Variants in LZTS3 observed in about 807,000 individuals in gnomAD.
LZTS3 encodes leucine zipper tumor suppressor family member 3, also known as leucine zipper putative tumor suppressor 3.
Under a neutral mutation model 50.9 loss-of-function variants are expected in LZTS3, and 16 were observed. The ratio of observed to expected loss-of-function variants is 0.31; its 90% CI spans 0.21 to 0.48. The LOEUF is 0.48. Ranked by LOEUF, LZTS3 falls within the 20% of genes least tolerant of loss-of-function variation. The pLI is 0.99. For synonymous variants in LZTS3, 408 were observed against 410.6 expected, an observed-to-expected ratio of 0.99 and a Z score of 0.08; for missense variants, 816 against 931.0, an observed-to-expected ratio of 0.88 and a Z score of 1.61.
In LZTS3 at chr20:3,164,909, G is replaced by A. The variant is rs1316625120; in HGVS notation, c.1567C>T (p.Pro523Ser). 2.6e-6 allele frequency: 4 copies of A among 1,549,888 alleles called. No homozygotes were observed. Among genetic ancestry groups the A allele is most frequent in the Non-Finnish European group, 3.5e-6 (4 of 1,154,076 alleles). Residue 523 changes from proline (P) to serine (S), a missense_variant, in exon 5 of 5, where the codon CCC becomes TCC. Around this residue, in one of 3 missense-constraint regions of LZTS3, gnomAD observed 700 missense variants for 769.4 expected, o/e 0.91. Transcript: ENST00000337576. ...PAACLKPALT[P>S]VDPAEPQDAL... Reference sequence around the variant, plus strand: ...TCCTGTGGCTCGGCCGGGTCCACGGGGGTCAGCGCCGGCTTGAGGCAGGCG... The same window carrying A: ...TCCTGTGGCTCGGCCGGGTCCACGGAGGTCAGCGCCGGCTTGAGGCAGGCG...
intron 1 of LZTS3, among the ~76,000 whole-genome samples, chr20:3,172,566 C>T (rs2066912919): frequency 6.6e-6 from 1 of 152,118 alleles, no homozygotes; most frequent in Admixed American, 6.5e-5. Context: ...CTGATCTCCA[C>T]CCCCCAGAGG....
In LZTS3 at chr20:3,167,907, A is replaced by G. The variant is rs1328155308; in HGVS notation, c.-188T>C. On this transcript the variant is annotated 5_prime_UTR_variant, in exon 2 of 5. Transcript: ENST00000337576. ...TCGCAGTCGGGGCTCGGCCCGAACCAGCTGCGCGACTTTGGAGGGGCCGAC... is the reference window on the plus strand; with the variant it reads ...TCGCAGTCGGGGCTCGGCCCGAACCGGCTGCGCGACTTTGGAGGGGCCGAC... 1.1e-5 allele frequency: 11 copies of G among 973,694 alleles called. No homozygotes were observed. Among genetic ancestry groups the G allele is most frequent in the Middle Eastern group, 5.2e-4 (1 of 1,916 alleles). The allele number at this position is 973,694 out of a possible 1,614,324, so 60.3% of individuals were successfully genotyped here.
At chr20:3,168,788 A>C (rs1226903815) in intron 1 of LZTS3, among the ~76,000 whole-genome samples, 1 of 152,212 alleles carries the variant, frequency 6.6e-6, no homozygotes, top group African/African-American at 2.4e-5. Context: ...TAAACCAGGC[A>C]GGGAGCCCTC....
At chr20:3,167,463 G>GCTCAGCA (rs879512332) in intron 2 of LZTS3, 84 of 758,264 alleles carry the variant, frequency 1.1e-4, no homozygotes, top group Non-Finnish European at 1.3e-4. Flanking sequence ...TCAGCTCAGC[G>GCTCAGCA]TTCCATTCCT....
At position 3,165,534 on chromosome 20, in the gene LZTS3, G is replaced by A; in HGVS notation, c.1286C>T (p.Ala429Val). Reference protein sequence around the residue: ...DKVAACQKEQADFLPRIEETK... With the variant: ...DKVAACQKEQVDFLPRIEETK... Reference sequence around the variant, plus strand: ...TTCCTCTATCCGGGGCAGGAAGTCGGCCTGCTCCTTCTGGCAGGCGGCCAC... The same window carrying A: ...TTCCTCTATCCGGGGCAGGAAGTCGACCTGCTCCTTCTGGCAGGCGGCCAC... The change falls in exon 4 of 5, where the codon GCC becomes GTC. Residue 429 changes from alanine (A) to valine (V), a missense_variant. Ala to Val is a moderately conservative substitution (Grantham distance 64, BLOSUM62 0). Around this residue, in one of 3 missense-constraint regions of LZTS3, gnomAD observed 700 missense variants for 769.4 expected, o/e 0.91. Transcript: ENST00000337576. This position sits in a 1 kb window ranked among gnomAD's most constrained non-coding sequence, Gnocchi z 5.0. 1.3e-6 allele frequency: 2 copies of A among 1,570,040 alleles called. No individual in the cohort carries two copies. The highest frequency in any genetic ancestry group is 1.7e-6 in the Non-Finnish European group (2 of 1,164,552).
chr20:3,162,732 G>T lies in LZTS3; in HGVS notation c.*1722C>A, dbSNP rs1469956445. ...TATATTTATATATAATTTCTTTTGT[G>T]GTTGGACGTCCCAAAGCTGAGTCTG... On this transcript the variant is annotated 3_prime_UTR_variant, in exon 5 of 5. Transcript: ENST00000337576. This position sits in a 1 kb window ranked among gnomAD's most constrained non-coding sequence, Gnocchi z 5.0. 2.0e-5 allele frequency: 3 copies of T among 152,106 alleles called. No individual in the cohort carries two copies. Among genetic ancestry groups the T allele is most frequent in the Admixed American group, 6.6e-5 (1 of 15,262 alleles). 9.4% of individuals were successfully genotyped at this position (152,106 alleles called of 1,614,324 possible).
chr20:3,164,877 C>G lies in LZTS3; in HGVS notation c.1599G>C (p.Leu533=), dbSNP rs1002694243. 1 of 1,555,534 alleles carries G rather than the reference C, an allele frequency of 6.4e-7. No individual in the cohort carries two copies. The highest frequency in any genetic ancestry group is 8.6e-7 in the Non-Finnish European group (1 of 1,156,686). ...PVDPAEPQDA[L]ATCESDEAKM... ...TAGCCTCGTCGCTCTCGCAGGTGGC[C>G]AGAGCATCCTGTGGCTCGGCCGGGT... Residue 533 remains leucine, a synonymous_variant, in exon 5 of 5, where the codon CTG becomes CTC. Transcript: ENST00000337576.
In LZTS3 at chr20:3,172,209, C is replaced by T. The variant is rs143380552; in HGVS notation, c.-243+1246G>A. ...TGTCCAAATCCTTCCATGAGCAAGA[C>T]CAAGTGCAGTAGACAGAGTTCTGGC... On this transcript the variant is annotated intron_variant, in intron 1 of 4. Transcript: ENST00000337576. 2.4e-3 allele frequency among the ~76,000 whole-genome samples: 372 copies of T among 152,334 alleles called. 1 individual carries two copies. Among genetic ancestry groups the T allele is most frequent in the African/African-American group, 8.3e-3 (346 of 41,560 alleles).
In LZTS3 at chr20:3,166,881, T is replaced by G. The variant is rs558543241; in HGVS notation, c.283A>C (p.Asn95His). 1 of 1,613,600 alleles carries G rather than the reference T, an allele frequency of 6.2e-7. No homozygotes were observed. Among genetic ancestry groups the G allele is most frequent in the African/African-American group, 1.3e-5 (1 of 75,050 alleles). ...AGCTCACCATTGAGGTAGAGGGAGT[T>G]GGCGAGACCCTTGTCCTCTGAGGGG... is the stretch of plus-strand genomic sequence containing the variant. ...RYPSEDKGLA[N>H]SLYLNGELRG... The change falls in exon 3 of 5, where the codon AAC (asparagine) becomes CAC (histidine). Residue 95 changes from asparagine to histidine, a missense_variant. Coordinates refer to ENST00000337576, the MANE Select transcript of LZTS3 (RefSeq NM_001365618.1).
rs545635836 is a variant in LZTS3, at chr20:3,166,884, C to A, written c.280G>T (p.Ala94Ser). Reference protein sequence around the residue: ...GRYPSEDKGLANSLYLNGELR... With the variant: ...GRYPSEDKGLSNSLYLNGELR... The stretch of plus-strand genomic sequence containing the variant: ...TCACCATTGAGGTAGAGGGAGTTGG[C>A]GAGACCCTTGTCCTCTGAGGGGTAG... The change falls in exon 3 of 5, where the codon GCC becomes TCC. Residue 94 changes from alanine (A) to serine (S), a missense_variant. By Grantham distance (99) the Ala-to-Ser change is moderately conservative. Coordinates refer to ENST00000337576, the MANE Select transcript of LZTS3 (RefSeq NM_001365618.1). 6 of 1,613,404 alleles carry A rather than the reference C, an allele frequency of 3.7e-6. No homozygotes were observed. Among genetic ancestry groups the A allele is most frequent in the Non-Finnish European group, 4.2e-6 (5 of 1,180,014 alleles).
intron 1 of LZTS3, among the ~76,000 whole-genome samples, chr20:3,169,101 G>A (rs1485557806): frequency 6.6e-6 from 1 of 152,076 alleles, no homozygotes; most frequent in Non-Finnish European, 1.5e-5. Flanking sequence ...CATAAGCAAG[G>A]GCCAGGACTA....
rs732845 is a variant in LZTS3, at chr20:3,163,878, G to C, written c.*576C>G. On this transcript the variant is annotated 3_prime_UTR_variant, in exon 5 of 5. Transcript: ENST00000337576. This position sits in a 1 kb window ranked among gnomAD's most constrained non-coding sequence, Gnocchi z 5.2. Reference sequence around the variant, plus strand: ...GGCCTGAGTCCAAGAGATCTTGTTGGGGGAGGGGCTGGGCAGGTAGCCCTC... The same window carrying C: ...GGCCTGAGTCCAAGAGATCTTGTTGCGGGAGGGGCTGGGCAGGTAGCCCTC... The C allele has an allele frequency of 0.042, 6,358 of 152,634 alleles. 523 individuals are homozygous for C. The highest frequency in any genetic ancestry group is 0.39 in the East Asian group (2,031 of 5,158). The allele number at this position is 152,634 out of a possible 1,614,324, so 9.5% of individuals were successfully genotyped here. A position where few individuals can be genotyped will look rare whatever the true frequency, so the allele number is the denominator to read the frequency against.
Position 3,165,396 on chromosome 20 carries a change from C to T in LZTS3, c.1323+101G>A. On this transcript the variant is annotated intron_variant, in intron 4 of 4. Coordinates refer to ENST00000337576, the MANE Select transcript of LZTS3 (RefSeq NM_001365618.1). The surrounding 1 kb of genome is among the most constrained non-coding windows in gnomAD (Gnocchi z 5.0). ...TTGTCCCCCCTGCTCCTTTCATCCC[C>T]CCCCCCATCCCACCGTTATGATAGT... The T allele has an allele frequency of 7.1e-6, 8 of 1,126,298 alleles. No homozygotes were observed. Among genetic ancestry groups the T allele is most frequent in the Non-Finnish European group, 8.4e-6 (7 of 829,478 alleles). The allele number at this position is 1,126,298 out of a possible 1,614,324, so 69.8% of individuals were successfully genotyped here.
At position 3,165,391 on chromosome 20, in the gene LZTS3, A is replaced by AG; in HGVS notation, c.1323+105_1323+106insC. 1.1e-6 allele frequency: 1 copy of AG among 935,118 alleles called. No homozygotes were observed. Among genetic ancestry groups the AG allele is most frequent in the Non-Finnish European group, 1.5e-6 (1 of 669,408 alleles). The allele number at this position is 935,118 out of a possible 1,614,324, so 57.9% of individuals were successfully genotyped here. On this transcript the variant is annotated intron_variant, in intron 4 of 4. Transcript: ENST00000337576. The surrounding 1 kb of genome is among the most constrained non-coding windows in gnomAD (Gnocchi z 5.0). ...GATTTTTGTCCCCCCTGCTCCTTTC[A>AG]TCCCCCCCCCCATCCCACCGTTATG...
At chr20:3,170,273 T>G (rs2066885554) in intron 1 of LZTS3, among the ~76,000 whole-genome samples, 1 of 152,030 alleles carries the variant, frequency 6.6e-6, no homozygotes, top group Admixed American at 6.6e-5. Flanking sequence ...GCAAATCACT[T>G]GAGGTCAGGA....
chr20:3,167,041 G>A lies in LZTS3; in HGVS notation c.123C>T (p.Gly41=), dbSNP rs781709097. The A allele has an allele frequency of 1.3e-4, 203 of 1,573,916 alleles. No homozygotes were observed. Among genetic ancestry groups the A allele is most frequent in the Admixed American group, 8.7e-5 (5 of 57,400 alleles). ...PDPRLAMGSV[G]SGVAHAQEFA... ...ACTCCTGGGCATGGGCCACCCCACT[G>A]CCCACGCTGCCCATGGCCAGGCGGG... Residue 41 remains glycine (G), a synonymous_variant, in exon 3 of 5, where the codon GGC becomes GGT. Transcript: ENST00000337576.
At position 3,164,087 on chromosome 20, in the gene LZTS3, C is replaced by A. The variant is rs2066767949; in HGVS notation, c.*367G>T. 9.8e-6 allele frequency: 2 copies of A among 204,056 alleles called. No homozygotes were observed. Among genetic ancestry groups the A allele is most frequent in the Non-Finnish European group, 1.9e-5 (2 of 103,618 alleles). The allele number at this position is 204,056 out of a possible 1,614,324, so 12.6% of individuals were successfully genotyped here. On this transcript the variant is annotated 3_prime_UTR_variant, in exon 5 of 5. Coordinates refer to ENST00000337576, the MANE Select transcript of LZTS3 (RefSeq NM_001365618.1). ...GAGAGCATCACTAGACACAGGGTGG[C>A]CAACAGTAGCAGCCCAGGCCTCCAG... is the stretch of plus-strand genomic sequence containing the variant.
At position 3,165,553 on chromosome 20, in the gene LZTS3, C is replaced by T. The variant is rs1281218941; in HGVS notation, c.1267G>A (p.Ala423Thr). ...QREELEDKVAACQKEQADFLP... is the reference protein window; with the variant it reads ...QREELEDKVATCQKEQADFLP... ...AAGTCGGCCTGCTCCTTCTGGCAGG[C>T]GGCCACCTTGTCCTCCAGCTCTTCC... Residue 423 changes from alanine (A) to threonine (T), a missense_variant, in exon 4 of 5, where the codon GCC (alanine) becomes ACC (threonine). By Grantham distance (58) the Ala-to-Thr change is moderately conservative. Transcript: ENST00000337576. The surrounding 1 kb of genome is among the most constrained non-coding windows in gnomAD (Gnocchi z 5.0). 16 of 1,581,120 alleles carry T rather than the reference C, an allele frequency of 1.0e-5. No homozygotes were observed. Among genetic ancestry groups the T allele is most frequent in the Non-Finnish European group, 1.4e-5 (16 of 1,170,502 alleles).
Position 3,165,988 on chromosome 20 carries a change from T to G in LZTS3, c.832A>C (p.Ser278Arg). 6.2e-7 allele frequency: 1 copy of G among 1,613,416 alleles called. No individual in the cohort carries two copies. The highest frequency in any genetic ancestry group is 8.5e-7 in the Non-Finnish European group (1 of 1,180,004). ...CCACTCTTGCTGGAGGCCCGTCCAC[T>G]ATCGGAGGTCCCCAGGTCCTGGTAG... ...SGYQDLGTSD[S>R]GRASSKSGSS... Residue 278 changes from serine (S) to arginine (R), a missense_variant, in exon 4 of 5, where the codon AGT becomes CGT. This residue lies in a region of LZTS3 where 700 missense variants were observed against 769.4 expected (regional missense o/e 0.91). Coordinates refer to ENST00000337576, the MANE Select transcript of LZTS3 (RefSeq NM_001365618.1). The surrounding 1 kb of genome is among the most constrained non-coding windows in gnomAD (Gnocchi z 5.0).
Sources: allele counts gnomAD v4.1 joint callset (sites outside exome capture counted in the v4.1 genomes callset), GRCh38; gene constraint gnomAD v4.1.1; regional missense constraint gnomAD v4.1.1; non-coding constraint Gnocchi (gnomAD v3.1); transcripts MANE v1.5; gene names NCBI Gene and HGNC (gene_info 2026-07-23, HGNC 2026-07-21).